The following DLG2 variants were observed in gnomAD, a reference collection of about 807,000 sequenced individuals.
DLG2 encodes the protein discs large MAGUK scaffold protein 2, also known as disks large homolog 2.
In DLG2, 45 loss-of-function variants were observed where a neutral mutation model predicts 132.5. That is an observed-to-expected ratio of 0.34 (90% CI 0.27 to 0.44). The LOEUF is 0.44. DLG2 is among the 20% of genes least tolerant of loss of function. The pLI is 1.00. For synonymous variants in DLG2, 424 were observed against 419.6 expected (o/e 1.01, Z -0.13); for missense variants, 1,045 against 1,196.9 (o/e 0.87, Z 1.87).
intron 17 of DLG2, chr11:83,791,239 A>G (rs943515580): frequency 7.6e-6 from 5 of 655,534 alleles, no homozygotes; most frequent in African/African-American, 7.3e-5. Context: ...TTTAAAGACT[A>G]TCGGTGCTGA....
At chr11:84,923,431 AAAG>A (rs565434881) in intron 6 of DLG2, 208 of 985,310 alleles carry the variant, frequency 2.1e-4, no homozygotes, top group Middle Eastern at 5.1e-4. Flanking sequence ...TAAAAAAAAA[AAAG>A]AAGAAGAAGA....
At chr11:84,866,048 G>A (rs1350127506) in intron 6 of DLG2, among the ~76,000 whole-genome samples, 1 of 152,152 alleles carries the variant, frequency 6.6e-6, no homozygotes, top group Non-Finnish European at 1.5e-5. Flanking sequence ...AAAGGTTGAG[G>A]GAATGATTAA....
intron 8 of DLG2, among the ~76,000 whole-genome samples, chr11:84,248,319 AT>A (rs11355616): frequency 0.058 from 8,702 of 149,770 alleles, 246 homozygotes; most frequent in Non-Finnish European, 0.069. Context: ...ATAAGTGTTT[AT>A]TTTTTTTTTC....
intron 6 of DLG2, among the ~76,000 whole-genome samples, chr11:84,818,561 A>G (rs910208860): frequency 6.6e-6 from 1 of 151,892 alleles, no homozygotes; most frequent in African/African-American, 2.4e-5. Flanking sequence ...GACATTTACC[A>G]TGAAGCTAAA....
At chr11:84,262,199 G>A (rs1251642737) in intron 7 of DLG2, among the ~76,000 whole-genome samples, 1 of 152,084 alleles carries the variant, frequency 6.6e-6, no homozygotes, top group Admixed American at 6.6e-5. Context: ...ATGGAGCCAA[G>A]GCTCACTCCT....
At position 83,599,896 on chromosome 11, in the gene DLG2, A is replaced by G. The variant is rs187564278; in HGVS notation, c.1940+33315T>C. Among the ~76,000 whole-genome samples, 225 of 152,320 alleles carry G rather than the reference A, an allele frequency of 1.5e-3. 1 individual carries two copies. The highest frequency in any genetic ancestry group is 2.9e-3 in the South Asian group (14 of 4,832). The stretch of plus-strand genomic sequence containing the variant: ...ATGAGGGGCTGTAGAGATATCTTTG[A>G]ATTAAGTTCATGAGCTTGGAAAATC... On this transcript the variant is annotated intron_variant, in intron 19 of 27. Coordinates refer to ENST00000376104, the MANE Select transcript of DLG2 (RefSeq NM_001142699.3).
At chr11:83,940,630 G>C (rs913743247) in intron 14 of DLG2, among the ~76,000 whole-genome samples, 2 of 152,068 alleles carry the variant, frequency 1.3e-5, no homozygotes, top group African/African-American at 4.8e-5. Context: ...GTATATACTT[G>C]CCCTCAGTGA....
At chr11:84,426,588 T>A (rs1449250632) in intron 7 of DLG2, among the ~76,000 whole-genome samples, 1 of 152,176 alleles carries the variant, frequency 6.6e-6, no homozygotes, top group Non-Finnish European at 1.5e-5. Context: ...TGGCCCATAG[T>A]AAAGACACAA....
intron 13 of DLG2, 103 bp from the exon 14 acceptor site, chr11:83,963,126 G>T: frequency 7.7e-7 from 1 of 1,305,818 alleles, no homozygotes; most frequent in Non-Finnish European, 1.1e-6. Context: ...AGGCTTTGCT[G>T]CATGCCAAGG....
intron 15 of DLG2, among the ~76,000 whole-genome samples, chr11:83,883,437 T>G (rs7112497): frequency 0.24 from 35,717 of 151,976 alleles, 4,553 homozygotes; most frequent in East Asian, 0.48. Flanking sequence ...TTCTTTAAAT[T>G]TAGGTAAGAA....
chr11:83,828,608 T>A (rs1221789607), intron 17 of DLG2, among the ~76,000 whole-genome samples: 4 of 152,168 alleles, frequency 2.6e-5, no homozygotes, highest in Non-Finnish European at 5.9e-5. Flanking sequence ...CCTATTACAA[T>A]CCTGCTGTTT....
intron 6 of DLG2, among the ~76,000 whole-genome samples, chr11:84,907,546 A>T (rs1481890961): frequency 1.3e-5 from 2 of 152,204 alleles, no homozygotes; most frequent in Admixed American, 6.5e-5. Flanking sequence ...AGTCAACACA[A>T]AACAGTTTCT....
chr11:83,931,899 A>G (rs934463001), intron 14 of DLG2, among the ~76,000 whole-genome samples: 1 of 152,208 alleles, frequency 6.6e-6, no homozygotes, highest in African/African-American at 2.4e-5. Flanking sequence ...CACCGTTCAA[A>G]GTCTTATCAA....
chr11:84,957,631 C>A lies in DLG2; in HGVS notation c.357+154030G>T, dbSNP rs574188416. 2.0e-5 allele frequency among the ~76,000 whole-genome samples: 3 copies of A among 152,252 alleles called. No homozygotes were observed. The South Asian group carries it at 6.2e-4, about 32-fold the overall frequency. ...CCTCTGTACTCTCGAAGTGTTTTAT[C>A]CATTTATTACATTGAGTTGTTTACA... On this transcript the variant is annotated intron_variant, in intron 6 of 27. Transcript: ENST00000376104.
intron 10 of DLG2, among the ~76,000 whole-genome samples, chr11:84,091,326 C>T (rs2097090386): frequency 6.6e-6 from 1 of 152,202 alleles, no homozygotes; most frequent in Admixed American, 6.5e-5. Context: ...GTCTCCCTCA[C>T]TCCAGCTCAG....
chr11:83,611,173 C>T (rs538662357), intron 19 of DLG2, among the ~76,000 whole-genome samples: 1 of 152,126 alleles, frequency 6.6e-6, no homozygotes, highest in African/African-American at 2.4e-5. Flanking sequence ...GGATCTAGAA[C>T]TGTTATTGTC....
At chr11:83,494,392 G>C (rs1237179621) in intron 21 of DLG2, among the ~76,000 whole-genome samples, 1 of 150,050 alleles carries the variant, frequency 6.7e-6, no homozygotes, top group Non-Finnish European at 1.5e-5. Context: ...ACCATCCCAG[G>C]ATGCAGGAGC....
chr11:83,562,126 A>G (rs1215909038), intron 19 of DLG2, among the ~76,000 whole-genome samples: 1 of 151,666 alleles, frequency 6.6e-6, no homozygotes, highest in Non-Finnish European at 1.5e-5. Flanking sequence ...TGACCTCGTG[A>G]TCCGCCTGCC....
At chr11:84,466,017 G>A (rs1357275530) in intron 7 of DLG2, among the ~76,000 whole-genome samples, 1 of 151,046 alleles carries the variant, frequency 6.6e-6, no homozygotes, top group Non-Finnish European at 1.5e-5. Context: ...ATAAGGTTGA[G>A]AAAAAGACCC....
Sources: allele counts gnomAD v4.1 joint callset (sites outside exome capture counted in the v4.1 genomes callset), GRCh38; gene constraint gnomAD v4.1.1; transcripts MANE v1.5; gene names NCBI Gene and HGNC (gene_info 2026-07-23, HGNC 2026-07-21).